Variants in TPTE observed in about 807,000 individuals in gnomAD.
TPTE encodes transmembrane phosphatase with tensin homology.
TPTE carries 59 observed loss-of-function variants against 84.1 expected under a neutral mutation model. The ratio of observed to expected loss-of-function variants is 0.70; its 90% CI spans 0.57 to 0.87. The LOEUF (loss-of-function observed/expected upper bound fraction) is 0.87. TPTE is among the 40% of genes least tolerant of loss of function. The pLI, the probability that TPTE is intolerant of heterozygous loss-of-function variation, is 0.00. For synonymous variants in TPTE, 130 were observed against 223.5 expected (o/e 0.58, Z 3.73); for missense variants, 382 against 659.6 (o/e 0.58, Z 4.61).
At chr21:10,549,144 A>G (rs1432176552) in intron 7 of TPTE, among the ~76,000 whole-genome samples, 1 of 152,312 alleles carries the variant, frequency 6.6e-6, no homozygotes. Flanking sequence ...AACTACATGG[A>G]GACTACACTT....
At chr21:10,552,143 A>C (rs77036168) in intron 7 of TPTE, among the ~76,000 whole-genome samples, 1,404 of 151,866 alleles carry the variant, frequency 9.2e-3, no homozygotes, top group East Asian at 0.03. Context: ...TAACCAATAA[A>C]GTAGTTTTTA....
chr21:10,526,466 T>G (rs12482818), intron 2 of TPTE, among the ~76,000 whole-genome samples: 1,755 of 151,742 alleles, frequency 0.012, no homozygotes, highest in Admixed American at 0.1. Flanking sequence ...ACATTTCCAC[T>G]GTGAGAAAGA....
chr21:10,569,990 T>G (rs2075009724), intron 13 of TPTE, among the ~76,000 whole-genome samples: 1 of 152,312 alleles, frequency 6.6e-6, no homozygotes, highest in South Asian at 2.1e-4. Flanking sequence ...TGACTCCATT[T>G]GAGTTTCAAT....
At chr21:10,589,291 A>G (rs1362135586) in intron 17 of TPTE, among the ~76,000 whole-genome samples, 1 of 152,292 alleles carries the variant, frequency 6.6e-6, no homozygotes, top group Non-Finnish European at 1.5e-5. Flanking sequence ...CACTTCTGCC[A>G]GCAGGTTTTA....
chr21:10,542,436 C>T lies in TPTE; in HGVS notation c.107C>T (p.Pro36Leu). 1 of 1,611,862 alleles carries T rather than the reference C, an allele frequency of 6.2e-7. No individual in the cohort carries two copies. Among genetic ancestry groups the T allele is most frequent in the African/African-American group, 1.3e-5 (1 of 75,032 alleles). The change falls in exon 6 of 24, where the codon CCT becomes CTT. Residue 36 changes from proline (P) to leucine (L), a missense_variant. This residue lies in a region of TPTE where 63 missense variants were observed against 49.5 expected (regional missense o/e 1.27). Transcript: ENST00000618007. ...TTTAAAGGAGCAACCGAGGAGGCAC[C>T]TGCGAAAGAAAGGTGAGCAATAAAT... is the stretch of plus-strand genomic sequence containing the variant. Reference protein sequence around the residue: ...SEFKGATEEAPAKESPHTSEF... With the variant: ...SEFKGATEEALAKESPHTSEF...
intron 4 of TPTE, among the ~76,000 whole-genome samples, chr21:10,538,993 A>G (rs1232823305): frequency 3.3e-5 from 5 of 152,428 alleles, no homozygotes; most frequent in South Asian, 2.1e-4. Flanking sequence ...AGGATTTCCA[A>G]TTCTTCTCCT....
rs1269590700 is a variant in TPTE at position 10,576,194 on chromosome 21, G to T, written c.796-1266G>T. The T allele has an allele frequency of 2.2e-4, 36 of 166,032 alleles. No homozygotes were observed. The Admixed American group carries it at 2.3e-3, about 10-fold the overall frequency. 10.3% of individuals were successfully genotyped at this position (166,032 alleles called of 1,614,324 possible). A position where few individuals can be genotyped will look rare whatever the true frequency, so the allele number is the denominator to read the frequency against. ...GGAATCAACCTAAATGCCAGTCGAT[G>T]ATAGATTAGATAAAGAAAATATGGT... On this transcript the variant is annotated intron_variant, in intron 14 of 23. Transcript: ENST00000618007.
intron 3 of TPTE, among the ~76,000 whole-genome samples, chr21:10,529,098 C>T (rs1191232648): frequency 6.6e-6 from 1 of 152,166 alleles, no homozygotes; most frequent in Non-Finnish European, 1.5e-5. Context: ...GCAGAAGGAT[C>T]ACTTGAATCC....
chr21:10,532,736 A>G (rs2074200436), intron 3 of TPTE, among the ~76,000 whole-genome samples: 1 of 152,306 alleles, frequency 6.6e-6, no homozygotes, highest in South Asian at 2.1e-4. Context: ...TTTCCCTTTT[A>G]ACATAAGAGG....
chr21:10,574,564 G>T (rs375090766), intron 14 of TPTE, among the ~76,000 whole-genome samples: 2 of 152,302 alleles, frequency 1.3e-5, no homozygotes, highest in Admixed American at 6.5e-5. Flanking sequence ...AAAGGGGCGA[G>T]GGAATTCAGC....
At chr21:10,566,398 A>G (rs1357393948) in intron 10 of TPTE, among the ~76,000 whole-genome samples, 172 of 152,380 alleles carry the variant, frequency 1.1e-3, no homozygotes, top group Middle Eastern at 3.4e-3. Flanking sequence ...ACCCTCATAC[A>G]CTGTTCATGG....
intron 14 of TPTE, among the ~76,000 whole-genome samples, chr21:10,572,559 CTT>C (rs1339553745): frequency 6.6e-6 from 1 of 151,470 alleles, no homozygotes; most frequent in Non-Finnish European, 1.5e-5. Flanking sequence ...CCAGTGGAAA[CTT>C]TACAGGTCAG....
At chr21:10,599,899 C>G (rs2075657309) in intron 21 of TPTE, among the ~76,000 whole-genome samples, 1 of 152,290 alleles carries the variant, frequency 6.6e-6, no homozygotes, top group South Asian at 2.1e-4. Context: ...ATTCTGTCAC[C>G]CAGGCTGTAG....
intron 17 of TPTE, among the ~76,000 whole-genome samples, chr21:10,588,850 C>G (rs1190767714): frequency 6.6e-6 from 1 of 152,418 alleles, no homozygotes; most frequent in Middle Eastern, 3.4e-3. Context: ...TTTTTTTATT[C>G]TAGAAGTTCT....
chr21:10,554,598 A>G (rs1383000372), intron 8 of TPTE, among the ~76,000 whole-genome samples: 11 of 152,288 alleles, frequency 7.2e-5, no homozygotes, highest in Admixed American at 5.9e-4. Context: ...TAATATAAGC[A>G]ATTTCTCCCA....
intron 7 of TPTE, among the ~76,000 whole-genome samples, chr21:10,547,865 C>A (rs1249109197): frequency 6.6e-6 from 1 of 152,310 alleles, no homozygotes; most frequent in Non-Finnish European, 1.5e-5. Context: ...GCAGTCCCAT[C>A]CAGGGTAAAT....
chr21:10,528,810 G>T (rs1389725248), intron 3 of TPTE, among the ~76,000 whole-genome samples: 2 of 152,308 alleles, frequency 1.3e-5, no homozygotes, highest in Non-Finnish European at 2.9e-5. Flanking sequence ...GTTTTATTCT[G>T]TATACTTTAT....
At chr21:10,559,856 A>G (rs2074758769) in intron 9 of TPTE, among the ~76,000 whole-genome samples, 1 of 152,168 alleles carries the variant, frequency 6.6e-6, no homozygotes, top group Non-Finnish European at 1.5e-5. Flanking sequence ...CCTTGGCGAC[A>G]CAGCAAGACT....
chr21:10,527,108 C>T (rs529240615), intron 2 of TPTE, among the ~76,000 whole-genome samples: 1 of 152,378 alleles, frequency 6.6e-6, no homozygotes, highest in Non-Finnish European at 1.5e-5. Flanking sequence ...ATTATTCTTA[C>T]ATTTTCTTTC....
Sources: gnomAD v4.1 joint callset for allele counts (sites outside exome capture counted in the v4.1 genomes callset) on GRCh38, gnomAD v4.1.1 for gene constraint, gnomAD v4.1.1 regional missense constraint, MANE v1.5 for transcripts, NCBI Gene and HGNC (gene_info 2026-07-23, HGNC 2026-07-21) for gene names.